ATF7IP2: variants seen among roughly 807,000 people sequenced by gnomAD.
The protein encoded by ATF7IP2 is activating transcription factor 7 interacting protein 2.
A neutral mutation model predicts 64.2 loss-of-function variants in ATF7IP2; 42 were observed. That is an observed-to-expected ratio of 0.65 (90% CI 0.51 to 0.85). The LOEUF (loss-of-function observed/expected upper bound fraction) is 0.85. ATF7IP2 is among the 40% of genes least tolerant of loss of function. ATF7IP2 has a pLI of 0.00. For missense variants in ATF7IP2, 933 were observed against 784.2 expected (o/e 1.19, Z -2.27); for synonymous variants, 308 against 272.8 (o/e 1.13, Z -1.27).
rs532969760 is a variant in ATF7IP2, at chr16:10,389,767, A to C, written c.-242+3645A>C. On this transcript the variant is annotated intron_variant, in intron 1 of 13. Coordinates refer to ENST00000562102, the MANE Select transcript of ATF7IP2 (RefSeq NM_001393719.1). The stretch of plus-strand genomic sequence containing the variant: ...GCATTTTATACTATTACATTGATAA[A>C]ACTTGAAAAAAGTAATGTCAGAATT... Among the ~76,000 whole-genome samples the C allele has an allele frequency of 6.6e-5, 10 of 152,312 alleles. No homozygotes were observed. In the South Asian group the frequency reaches 2.1e-3, roughly 32 times the overall value.
At chr16:10,462,870 CT>C (rs1174209757) in intron 9 of ATF7IP2, among the ~76,000 whole-genome samples, 1 of 152,154 alleles carries the variant, frequency 6.6e-6, no homozygotes, top group Non-Finnish European at 1.5e-5. Context: ...GCTCTAGATA[CT>C]TTTGTCTGGA....
At chr16:10,477,562 G>A (rs2050057153) in intron 12 of ATF7IP2, among the ~76,000 whole-genome samples, 1 of 152,178 alleles carries the variant, frequency 6.6e-6, no homozygotes, top group African/African-American at 2.4e-5. Context: ...TTTGAAAACT[G>A]GAAGCATTCC....
chr16:10,432,857 G>A (rs1027013666), intron 5 of ATF7IP2, among the ~76,000 whole-genome samples: 52 of 150,076 alleles, frequency 3.5e-4, no homozygotes, highest in African/African-American at 1.1e-3. Flanking sequence ...TTGCCTGGGC[G>A]ACAAGAGTGA....
chr16:10,455,095 A>G (rs1391611159), intron 8 of ATF7IP2, among the ~76,000 whole-genome samples: 1 of 152,202 alleles, frequency 6.6e-6, no homozygotes, highest in African/African-American at 2.4e-5. Context: ...GACCTTCTAC[A>G]GCTATGGTAG....
intron 3 of ATF7IP2, among the ~76,000 whole-genome samples, chr16:10,423,474 G>A (rs957225307): frequency 6.6e-6 from 1 of 152,138 alleles, no homozygotes; most frequent in Admixed American, 6.5e-5. Context: ...ACAGGGAACT[G>A]CCAAGCCTCT....
chr16:10,452,053 A>C (rs898458811), intron 8 of ATF7IP2, among the ~76,000 whole-genome samples: 2 of 146,522 alleles, frequency 1.4e-5, no homozygotes, highest in African/African-American at 2.5e-5. Context: ...ACTCCGTCCC[A>C]AAAAAAAAAA....
At chr16:10,444,858 A>G (rs1416738744) in intron 8 of ATF7IP2, among the ~76,000 whole-genome samples, 4 of 152,196 alleles carry the variant, frequency 2.6e-5, no homozygotes, top group African/African-American at 9.7e-5. Context: ...CCTGGGTACA[A>G]TATTTTCAAT....
At chr16:10,470,134 ATT>A (rs2049737142) in intron 9 of ATF7IP2, among the ~76,000 whole-genome samples, 2 of 152,088 alleles carry the variant, frequency 1.3e-5, no homozygotes, top group African/African-American at 4.8e-5. Flanking sequence ...AATAGAAAAT[ATT>A]TTTGTTTCTT....
intron 9 of ATF7IP2, among the ~76,000 whole-genome samples, chr16:10,470,093 T>C (rs760464536): frequency 6.6e-5 from 10 of 152,138 alleles, no homozygotes; most frequent in Admixed American, 3.9e-4. Flanking sequence ...CAAAGTAATA[T>C]AGACTGACAG....
At chr16:10,453,628 T>G (rs183616511) in intron 8 of ATF7IP2, among the ~76,000 whole-genome samples, 4 of 152,180 alleles carry the variant, frequency 2.6e-5, no homozygotes, top group Admixed American at 2.6e-4. Context: ...TGTTTATTTA[T>G]TTTTTTGAGA....
At chr16:10,460,174 C>T (rs2049327085) in intron 9 of ATF7IP2, among the ~76,000 whole-genome samples, 1 of 151,976 alleles carries the variant, frequency 6.6e-6, no homozygotes, top group Admixed American at 6.6e-5. Flanking sequence ...AAAGCTGTAA[C>T]ACCATTATAG....
intron 1 of ATF7IP2, among the ~76,000 whole-genome samples, chr16:10,411,759 G>A (rs899526408): frequency 4.6e-5 from 7 of 151,924 alleles, no homozygotes; most frequent in Non-Finnish European, 8.8e-5. Flanking sequence ...AAGCTAGGAG[G>A]GTTATATCTT....
At chr16:10,454,194 A>C (rs1596558828) in intron 8 of ATF7IP2, 5 of 151,792 alleles carry the variant, frequency 3.3e-5, no homozygotes, top group Admixed American at 2.0e-4. Flanking sequence ...GCAGATCACA[A>C]GGTCAGAAGT....
rs140399971 is a variant in ATF7IP2 at position 10,471,254 on chromosome 16, G to A, written c.1353-856G>A. Reference sequence around the variant, plus strand: ...AGAAAATGGTATAATTGGACTGGGCGCAGTGGCTCACACCTGTAATCCCAG... The same window carrying A: ...AGAAAATGGTATAATTGGACTGGGCACAGTGGCTCACACCTGTAATCCCAG... On this transcript the variant is annotated intron_variant, in intron 9 of 13. Coordinates refer to ENST00000562102, the MANE Select transcript of ATF7IP2 (RefSeq NM_001393719.1). Among the ~76,000 whole-genome samples the A allele has an allele frequency of 4.0e-3, 615 of 152,232 alleles. 2 individuals are homozygous for A. The highest frequency in any genetic ancestry group is 0.014 in the African/African-American group (564 of 41,536).
chr16:10,456,303 GA>G (rs1163485925), intron 8 of ATF7IP2, among the ~76,000 whole-genome samples: 1 of 152,196 alleles, frequency 6.6e-6, no homozygotes, highest in Non-Finnish European at 1.5e-5. Context: ...AAGACTCTAA[GA>G]GGCTCACTAT....
At chr16:10,477,312 C>G (rs13339598) in intron 12 of ATF7IP2, among the ~76,000 whole-genome samples, 13,862 of 152,210 alleles carry the variant, frequency 0.091, 1,353 homozygotes, top group African/African-American at 0.24. Flanking sequence ...ATTGAACCAG[C>G]CTTGCATCCC....
At chr16:10,438,258 T>G (rs1441196550) in intron 7 of ATF7IP2, 23 bp downstream of exon 7, 1 of 1,594,622 alleles carries the variant, frequency 6.3e-7, no homozygotes, top group Non-Finnish European at 8.5e-7. Context: ...TTCATTTGAG[T>G]CTTTTTTAGG....
chr16:10,389,961 T>C (rs537469564), intron 1 of ATF7IP2, among the ~76,000 whole-genome samples: 5 of 152,350 alleles, frequency 3.3e-5, no homozygotes, highest in Admixed American at 2.6e-4. Context: ...TTTGTGTTTG[T>C]GATAGACTTC....
At position 10,467,063 on chromosome 16, in the gene ATF7IP2, T is replaced by G. The variant is rs17603671; in HGVS notation, c.1353-5047T>G. Reference sequence around the variant, plus strand: ...CTAATCCTCTGCTTGCCAAATAGAGTAGGATCTGATTACCTAATCTTCTAA... The same window carrying G: ...CTAATCCTCTGCTTGCCAAATAGAGGAGGATCTGATTACCTAATCTTCTAA... On this transcript the variant is annotated intron_variant, in intron 9 of 13. Coordinates refer to ENST00000562102, the MANE Select transcript of ATF7IP2 (RefSeq NM_001393719.1). 3.3e-5 allele frequency among the ~76,000 whole-genome samples: 5 copies of G among 151,978 alleles called. No individual in the cohort carries two copies. The South Asian group carries it at 1.0e-3, about 32-fold the overall frequency.
Sources: allele counts gnomAD v4.1 joint callset (sites outside exome capture counted in the v4.1 genomes callset), GRCh38; gene constraint gnomAD v4.1.1; transcripts MANE v1.5; gene names NCBI Gene and HGNC (gene_info 2026-07-23, HGNC 2026-07-21).